Variants in ZNF804B observed in about 807,000 individuals in gnomAD.
ZNF804B encodes the protein zinc finger protein 804B.
Under a neutral mutation model 101.4 loss-of-function variants are expected in ZNF804B, and 80 were observed. The observed-to-expected ratio is 0.79, with a 90% CI of 0.66 to 0.95. The LOEUF is 0.95. Ranked by LOEUF, ZNF804B falls within the 40% of genes least tolerant of loss-of-function variation. The pLI, the probability that ZNF804B is intolerant of heterozygous loss-of-function variation, is 0.00. For synonymous variants in ZNF804B, 622 were observed against 558.8 expected (o/e 1.11, Z -1.59); for missense variants, 1,673 against 1,561.9 (o/e 1.07, Z -1.20).
chr7:88,973,932 T>C (rs1015731951), intron 1 of ZNF804B, among the ~76,000 whole-genome samples: 4 of 151,314 alleles, frequency 2.6e-5, no homozygotes, highest in Admixed American at 6.6e-5. Context: ...TATGAGAAAA[T>C]AGTGAGATGT....
chr7:89,278,138 T>C (rs557645669), intron 2 of ZNF804B, among the ~76,000 whole-genome samples: 1 of 152,380 alleles, frequency 6.6e-6, no homozygotes, highest in African/African-American at 2.4e-5. Context: ...CTTGGCTGCA[T>C]AAATGTCTTC....
intron 1 of ZNF804B, among the ~76,000 whole-genome samples, chr7:88,968,635 C>A (rs924238408): frequency 7.9e-5 from 12 of 151,546 alleles, no homozygotes; most frequent in African/African-American, 2.4e-5. Context: ...ATGAATAAAT[C>A]AATGCAGTTA....
intron 2 of ZNF804B, among the ~76,000 whole-genome samples, chr7:89,294,034 C>T (rs545446661): frequency 1.4e-3 from 213 of 152,234 alleles, no homozygotes; most frequent in African/African-American, 5.0e-3. Context: ...GGTAGTCTGC[C>T]TTAAGTGAGT....
intron 1 of ZNF804B, among the ~76,000 whole-genome samples, chr7:89,023,199 A>C (rs1031221812): frequency 8.5e-5 from 13 of 152,178 alleles, no homozygotes; most frequent in African/African-American, 2.9e-4. Context: ...TTATAAATGC[A>C]ATTTCCAACA....
chr7:88,882,699 T>A (rs1792062718), intron 1 of ZNF804B, among the ~76,000 whole-genome samples: 1 of 152,104 alleles, frequency 6.6e-6, no homozygotes, highest in South Asian at 2.1e-4. Context: ...ATCATGTCAT[T>A]TGTGGCAACA....
At chr7:89,250,303 A>T (rs1789518879) in intron 2 of ZNF804B, among the ~76,000 whole-genome samples, 1 of 152,198 alleles carries the variant, frequency 6.6e-6, no homozygotes, top group Admixed American at 6.6e-5. Context: ...ATTGTTATGA[A>T]CACTCCCATA....
At chr7:89,146,454 G>A (rs1168177202) in intron 1 of ZNF804B, among the ~76,000 whole-genome samples, 2 of 152,030 alleles carry the variant, frequency 1.3e-5, no homozygotes, top group African/African-American at 4.8e-5. Context: ...TGACAAGCTG[G>A]AAGTAGCTTC....
At chr7:89,016,838 A>C (rs1429179770) in intron 1 of ZNF804B, among the ~76,000 whole-genome samples, 1 of 152,196 alleles carries the variant, frequency 6.6e-6, no homozygotes, top group Non-Finnish European at 1.5e-5. Context: ...TTGGTTCCGT[A>C]TGAACTTTAA....
chr7:88,857,522 A>G (rs959536674), intron 1 of ZNF804B, among the ~76,000 whole-genome samples: 9 of 152,318 alleles, frequency 5.9e-5, no homozygotes, highest in African/African-American at 1.9e-4. Flanking sequence ...GAAGAAATGG[A>G]TAAATTCCTG....
At chr7:89,246,847 T>C (rs1789455570) in intron 2 of ZNF804B, among the ~76,000 whole-genome samples, 1 of 152,148 alleles carries the variant, frequency 6.6e-6, no homozygotes, top group South Asian at 2.1e-4. Context: ...CTTGAGCAGA[T>C]TGGCAACCTG....
intron 1 of ZNF804B, among the ~76,000 whole-genome samples, chr7:89,133,852 A>G (rs1047236214): frequency 1.3e-5 from 2 of 152,088 alleles, no homozygotes; most frequent in African/African-American, 4.8e-5. Context: ...TTTGTATCTC[A>G]TTGTGTCTCT....
chr7:89,058,859 A>G (rs1176829342), intron 1 of ZNF804B, among the ~76,000 whole-genome samples: 1 of 152,042 alleles, frequency 6.6e-6, no homozygotes, highest in Admixed American at 6.6e-5. Flanking sequence ...ATATCCAGCT[A>G]ATCTTTGCAT....
intron 2 of ZNF804B, among the ~76,000 whole-genome samples, chr7:89,230,079 G>T (rs922737431): frequency 7.2e-5 from 11 of 151,942 alleles, no homozygotes; most frequent in Non-Finnish European, 1.0e-4. Flanking sequence ...ATTGAAAAAA[G>T]AAATATCAAA....
At chr7:89,066,392 C>G (rs963826585) in intron 1 of ZNF804B, among the ~76,000 whole-genome samples, 2 of 152,006 alleles carry the variant, frequency 1.3e-5, no homozygotes, top group African/African-American at 4.8e-5. Context: ...CCTATGGTGC[C>G]TGGAACTCTT....
At chr7:89,182,024 C>T (rs1394985397) in intron 1 of ZNF804B, among the ~76,000 whole-genome samples, 1 of 152,180 alleles carries the variant, frequency 6.6e-6, no homozygotes, top group African/African-American at 2.4e-5. Flanking sequence ...GAATTGACAA[C>T]TAATTGAAAT....
At chr7:89,055,024 G>A (rs549354402) in intron 1 of ZNF804B, among the ~76,000 whole-genome samples, 3 of 152,078 alleles carry the variant, frequency 2.0e-5, no homozygotes, top group African/African-American at 7.2e-5. Flanking sequence ...ATTTAAGATA[G>A]TAATAATTAC....
intron 1 of ZNF804B, among the ~76,000 whole-genome samples, chr7:88,933,646 C>A (rs1382650821): frequency 6.6e-6 from 1 of 151,834 alleles, no homozygotes; most frequent in African/African-American, 2.4e-5. Context: ...CAACAGTGAC[C>A]AAGCTGAGTA....
intron 1 of ZNF804B, among the ~76,000 whole-genome samples, chr7:88,866,723 A>G (rs974472957): frequency 1.3e-5 from 2 of 152,152 alleles, no homozygotes; most frequent in Non-Finnish European, 1.5e-5. Context: ...CATCTAACCT[A>G]CAGAACCATG....
At chr7:89,088,554 C>T (rs1299465833) in intron 1 of ZNF804B, among the ~76,000 whole-genome samples, 1 of 150,254 alleles carries the variant, frequency 6.7e-6, no homozygotes, top group East Asian at 2.0e-4. Context: ...TCAGTTTATT[C>T]ATCGCCCTAG....
Sources: allele counts gnomAD v4.1 joint callset (sites outside exome capture counted in the v4.1 genomes callset), GRCh38; gene constraint gnomAD v4.1.1; transcripts MANE v1.5; gene names NCBI Gene and HGNC (gene_info 2026-07-23, HGNC 2026-07-21).